Variants in ADRA1B observed in about 807,000 individuals in gnomAD.
The protein encoded by ADRA1B is adrenoceptor alpha 1B, also known as alpha-1B adrenergic receptor.
A neutral mutation model predicts 17.9 loss-of-function variants in ADRA1B; 17 were observed. The ratio of observed to expected loss-of-function variants is 0.95; its 90% CI spans 0.65 to 1.42. The LOEUF is 1.42. Ranked by LOEUF, ADRA1B falls within the 40% of genes most tolerant of loss-of-function variation. The pLI, the probability that ADRA1B is intolerant of heterozygous loss-of-function variation, is 0.00. For missense variants in ADRA1B, 681 were observed against 722.1 expected, an observed-to-expected ratio of 0.94 and a Z score of 0.65; for synonymous variants, 366 against 327.6, an observed-to-expected ratio of 1.12 and a Z score of -1.27.
intron 1 of ADRA1B, among the ~76,000 whole-genome samples, chr5:159,967,232 C>T (rs1283173302): frequency 1.3e-5 from 2 of 152,136 alleles, no homozygotes; most frequent in Non-Finnish European, 2.9e-5. Context: ...AGATATAGCT[C>T]CTTTCCAGAA....
chr5:159,952,041 G>A lies in ADRA1B; in HGVS notation c.950-19838G>A, dbSNP rs184144388. On this transcript the variant is annotated intron_variant, in intron 1 of 1. Coordinates refer to ENST00000306675, the MANE Select transcript of ADRA1B (RefSeq NM_000679.4). Reference sequence around the variant, plus strand: ...TACAGTTTCTCCTGGATTTGGCTGGGAAAATGAGTCATCTGAAAACTAGTG... The same window carrying A: ...TACAGTTTCTCCTGGATTTGGCTGGAAAAATGAGTCATCTGAAAACTAGTG... Among the ~76,000 whole-genome samples, 92 of 152,224 alleles carry A rather than the reference G, an allele frequency of 6.0e-4. No homozygotes were observed. The South Asian group carries it at 9.5e-3, about 16-fold the overall frequency.
At chr5:159,966,997 A>C (rs573678194) in intron 1 of ADRA1B, among the ~76,000 whole-genome samples, 84 of 152,358 alleles carry the variant, frequency 5.5e-4, no homozygotes, top group African/African-American at 1.9e-3. Context: ...ACATACTGTA[A>C]GCAAAGAGAG....
At chr5:159,876,502 C>G (rs2113079761) in intron 1 of ADRA1B, among the ~76,000 whole-genome samples, 1 of 152,290 alleles carries the variant, frequency 6.6e-6, no homozygotes, top group South Asian at 2.1e-4. Flanking sequence ...CATGACCATC[C>G]CTAACCCAAT....
chr5:159,959,900 C>T (rs1186455923), intron 1 of ADRA1B, among the ~76,000 whole-genome samples: 8 of 151,842 alleles, frequency 5.3e-5, no homozygotes, highest in African/African-American at 1.5e-4. Flanking sequence ...AATAATATTG[C>T]GTATTATGGA....
intron 1 of ADRA1B, among the ~76,000 whole-genome samples, chr5:159,939,436 G>A (rs1161784766): frequency 6.6e-6 from 1 of 151,988 alleles, no homozygotes; most frequent in East Asian, 1.9e-4. Context: ...TGCTCAAGCT[G>A]GTACCCTGCT....
intron 1 of ADRA1B, among the ~76,000 whole-genome samples, chr5:159,874,607 T>A (rs1753783092): frequency 6.6e-6 from 1 of 152,246 alleles, no homozygotes; most frequent in Non-Finnish European, 1.5e-5. Flanking sequence ...AGCTGTTCTC[T>A]GAAGTCTTGC....
upstream of ADRA1B, among the ~76,000 whole-genome samples, chr5:159,915,902 C>T (rs564449913): frequency 2.0e-5 from 3 of 152,308 alleles, no homozygotes; most frequent in East Asian, 5.8e-4. Flanking sequence ...GTTCACAGCG[C>T]CCAGAGCCAG....
chr5:159,965,841 A>ATTTTTT (rs201439779), intron 1 of ADRA1B, among the ~76,000 whole-genome samples: 1 of 150,824 alleles, frequency 6.6e-6, no homozygotes. Context: ...TTATTTATTT[A>ATTTTTT]TTTATTTATT....
upstream of ADRA1B, among the ~76,000 whole-genome samples, chr5:159,913,166 T>A (rs181479988): frequency 5.3e-5 from 8 of 152,282 alleles, no homozygotes; most frequent in East Asian, 1.5e-3. Flanking sequence ...ATCAGAGGTT[T>A]CTAATGCAAT....
At chr5:159,883,342 C>A (rs759640240) in intron 1 of ADRA1B, among the ~76,000 whole-genome samples, 1 of 152,186 alleles carries the variant, frequency 6.6e-6, no homozygotes, top group Admixed American at 6.5e-5. Context: ...CTTCTAGGAA[C>A]TTCAGAGAGA....
chr5:159,903,641 G>C (rs1009401722), intron 1 of ADRA1B, among the ~76,000 whole-genome samples: 5 of 152,304 alleles, frequency 3.3e-5, no homozygotes, highest in African/African-American at 1.2e-4. Context: ...TCCCGTGGGA[G>C]TGTGTGGGAA....
upstream of ADRA1B, among the ~76,000 whole-genome samples, chr5:159,912,105 C>G (rs1239670290): frequency 6.6e-6 from 1 of 152,168 alleles, no homozygotes; most frequent in East Asian, 1.9e-4. Flanking sequence ...AGTGCTAACT[C>G]CTAACAGATA....
chr5:159,908,010 A>G (rs1481688459), intron 1 of ADRA1B, among the ~76,000 whole-genome samples: 3 of 151,786 alleles, frequency 2.0e-5, no homozygotes, highest in Admixed American at 6.6e-5. Context: ...CATGGGACCA[A>G]TAATTTTTGC....
chr5:159,917,294 C>T lies in ADRA1B; in HGVS notation c.389C>T (p.Thr130Ile), dbSNP rs1754343134. ...IWAAVDVLCCTASILSLCAIS... is the reference protein window; with the variant it reads ...IWAAVDVLCCIASILSLCAIS... The stretch of plus-strand genomic sequence containing the variant: ...GCAGCCGTGGATGTCCTGTGCTGCA[C>T]AGCGTCCATTCTGAGCCTGTGCGCC... The change falls in exon 1 of 2, where the codon ACA (threonine) becomes ATA (isoleucine). Residue 130 changes from threonine (T) to isoleucine (I), a missense_variant. This residue lies in a region of ADRA1B where 424 missense variants were observed against 480.2 expected (regional missense o/e 0.88). Transcript: ENST00000306675. 1 of 1,614,002 alleles carries T rather than the reference C, an allele frequency of 6.2e-7. No individual in the cohort carries two copies. Among genetic ancestry groups the T allele is most frequent in the Non-Finnish European group, 8.5e-7 (1 of 1,180,040 alleles).
At chr5:159,885,906 A>C (rs1425239525) in intron 1 of ADRA1B, among the ~76,000 whole-genome samples, 4 of 152,142 alleles carry the variant, frequency 2.6e-5, no homozygotes, top group Non-Finnish European at 5.9e-5. Flanking sequence ...TATCCCCATT[A>C]TACAGTTGAA....
chr5:159,919,092 T>C (rs1754407407), intron 1 of ADRA1B, among the ~76,000 whole-genome samples: 1 of 152,046 alleles, frequency 6.6e-6, no homozygotes, highest in African/African-American at 2.4e-5. Context: ...CAAACAGATA[T>C]CGAGTTTCCA....
chr5:159,935,601 C>G (rs543096047), intron 1 of ADRA1B, among the ~76,000 whole-genome samples: 165 of 152,190 alleles, frequency 1.1e-3, no homozygotes, highest in African/African-American at 3.9e-3. Context: ...GGCTGGAGAA[C>G]CGTGGCGCAA....
chr5:159,972,270 GA>G lies in ADRA1B; in HGVS notation c.1343del (p.Lys448ArgfsTer7), dbSNP rs1422459164. On this transcript the variant is annotated frameshift_variant, in exon 2 of 2. Coordinates refer to ENST00000306675, the MANE Select transcript of ADRA1B (RefSeq NM_000679.4). LOFTEE classifies it low-confidence loss of function (END_TRUNC). ...TCGAGCTGTGCGCCTTCCCCGAGTG[GA>G]AGGCGCCCGGCGCCCTCCTGAGCCT... ...PVELCAFPEW[K>X]APGALLSLPA... is the part of the protein sequence containing the mutation. The G allele has an allele frequency of 7.6e-7, 1 of 1,316,304 alleles. No individual in the cohort carries two copies. Among genetic ancestry groups the G allele is most frequent in the Non-Finnish European group, 9.7e-7 (1 of 1,027,800 alleles). The allele number at this position is 1,316,304 out of a possible 1,614,324, so 81.5% of individuals were successfully genotyped here.
intron 1 of ADRA1B, among the ~76,000 whole-genome samples, chr5:159,899,189 G>A (rs1331552010): frequency 7.2e-6 from 1 of 138,890 alleles, no homozygotes; most frequent in East Asian, 2.1e-4. Flanking sequence ...AAAAAGAAAA[G>A]AAAAGAAAGA....
Sources: gnomAD v4.1 joint callset for allele counts (sites outside exome capture counted in the v4.1 genomes callset) on GRCh38, gnomAD v4.1.1 for gene constraint, gnomAD v4.1.1 regional missense constraint, MANE v1.5 for transcripts, NCBI Gene and HGNC (gene_info 2026-07-23, HGNC 2026-07-21) for gene names.